SLC1A2: variants seen among roughly 807,000 people sequenced by gnomAD.
SLC1A2 encodes excitatory amino acid transporter 2.
A neutral mutation model predicts 48.8 loss-of-function variants in SLC1A2; 15 were observed. The ratio of observed to expected loss-of-function variants is 0.31; its 90% confidence interval spans 0.21 to 0.47. SLC1A2 has a LOEUF of 0.47. Among genes scored for constraint, SLC1A2 ranks in the 20% least tolerant of loss-of-function variants. The pLI is 0.99. For missense variants in SLC1A2, 502 were observed against 730.5 expected, an observed-to-expected ratio of 0.69 and a Z score of 3.61; for synonymous variants, 279 against 272.6, an observed-to-expected ratio of 1.02 and a Z score of -0.23.
chr11:35,385,719 T>C (rs1854566545), intron 1 of SLC1A2, among the ~76,000 whole-genome samples: 1 of 152,196 alleles, frequency 6.6e-6, no homozygotes, highest in Non-Finnish European at 1.5e-5. Flanking sequence ...TAGCATCTTC[T>C]AACCAATCTT....
In SLC1A2 at chr11:35,260,684, T is replaced by G; in HGVS notation, c.*210A>C. On this transcript the variant is annotated 3_prime_UTR_variant, in exon 11 of 11. Transcript: ENST00000278379. ...TCAAATAATAATACAAGTGAGAAAA[T>G]TAGACGGTTATAAAGCATTATTTGG... is the stretch of plus-strand genomic sequence containing the variant. The G allele has an allele frequency of 1.9e-6, 1 of 538,046 alleles. No homozygotes were observed. The highest frequency in any genetic ancestry group is 2.4e-5 in the South Asian group (1 of 41,210). 33.3% of individuals were successfully genotyped at this position (538,046 alleles called of 1,614,324 possible).
intron 1 of SLC1A2, among the ~76,000 whole-genome samples, chr11:35,388,285 G>C (rs1854647179): frequency 6.6e-6 from 1 of 152,246 alleles, no homozygotes; most frequent in Non-Finnish European, 1.5e-5. Context: ...AAAGAGCAGG[G>C]AGGAAAAGTG....
intron 2 of SLC1A2, chr11:35,316,781 T>C (rs1352512024): frequency 6.6e-6 from 1 of 152,394 alleles, no homozygotes; most frequent in Non-Finnish European, 1.5e-5. Context: ...ATTGTATCAA[T>C]AGCCTGAGAA....
intron 1 of SLC1A2, among the ~76,000 whole-genome samples, chr11:35,324,018 G>A (rs1238018557): frequency 6.6e-6 from 1 of 152,208 alleles, no homozygotes; most frequent in East Asian, 1.9e-4. Flanking sequence ...GTCATTGAGA[G>A]ACCACCTACA....
In SLC1A2 at chr11:35,306,186, G is replaced by A. The variant is rs370702480; in HGVS notation, c.618C>T (p.Asn206=). The A allele has an allele frequency of 6.2e-6, 10 of 1,613,854 alleles. No individual in the cohort carries two copies. The highest frequency in any genetic ancestry group is 1.3e-5 in the African/African-American group (1 of 74,970). The change falls in exon 5 of 11, where the codon AAC becomes AAT. Residue 206 remains asparagine (N), a synonymous_variant. Transcript: ENST00000278379. ...LVAPPPDEEA[N]ATSAVVSLLN... is the part of the protein sequence containing the mutation. ...ACAGAGAGACAACAGCGCTGGTTGC[G>A]TTGGCCTCCTCGTCCGGCGGTGGTG... is the stretch of plus-strand genomic sequence containing the variant.
intron 1 of SLC1A2, among the ~76,000 whole-genome samples, chr11:35,382,722 G>A (rs1313858087): frequency 6.6e-6 from 1 of 152,110 alleles, no homozygotes; most frequent in African/African-American, 2.4e-5. Context: ...CTTGAACCCA[G>A]GAGGCAGAGG....
chr11:35,341,246 G>C (rs1412948649), intron 1 of SLC1A2, among the ~76,000 whole-genome samples: 1 of 152,098 alleles, frequency 6.6e-6, no homozygotes, highest in African/African-American at 2.4e-5. Context: ...GGGGAGAAGT[G>C]GGGGTAACGA....
intron 1 of SLC1A2, among the ~76,000 whole-genome samples, chr11:35,330,060 C>G (rs535571372): frequency 6.6e-6 from 1 of 152,328 alleles, no homozygotes; most frequent in Admixed American, 6.5e-5. Flanking sequence ...GGCAACCCAG[C>G]TTGGCCTGAA....
chr11:35,313,606 C>T (rs777128855), intron 3 of SLC1A2, among the ~76,000 whole-genome samples: 3 of 152,198 alleles, frequency 2.0e-5, no homozygotes, highest in Non-Finnish European at 4.4e-5. Context: ...AGCTGACCTA[C>T]GTGTGACCTA....
chr11:35,318,051 T>C (rs1242190792), intron 1 of SLC1A2, among the ~76,000 whole-genome samples: 1 of 152,226 alleles, frequency 6.6e-6, no homozygotes, highest in Non-Finnish European at 1.5e-5. Context: ...AAAGATAGTT[T>C]ATCTAGTAAA....
intron 1 of SLC1A2, among the ~76,000 whole-genome samples, chr11:35,352,618 A>G (rs1256511152): frequency 6.6e-6 from 1 of 152,106 alleles, no homozygotes; most frequent in Non-Finnish European, 1.5e-5. Flanking sequence ...GAGTGGCACA[A>G]TTTCTCCTCC....
intron 6 of SLC1A2, among the ~76,000 whole-genome samples, chr11:35,293,674 G>A (rs1851080066): frequency 1.3e-5 from 2 of 152,278 alleles, no homozygotes; most frequent in Middle Eastern, 3.4e-3. Context: ...AGACTATGGG[G>A]AGAATGAAGT....
At chr11:35,371,001 C>T (rs1854041544) in intron 1 of SLC1A2, 1 of 985,198 alleles carries the variant, frequency 1.0e-6, no homozygotes, top group Non-Finnish European at 1.2e-6. Flanking sequence ...CAAAGGGTGG[C>T]ATCTTCCTCT....
At chr11:35,343,763 A>G (rs1852927329) in intron 1 of SLC1A2, among the ~76,000 whole-genome samples, 1 of 152,020 alleles carries the variant, frequency 6.6e-6, no homozygotes, top group African/African-American at 2.4e-5. Context: ...AATAATAATA[A>G]TAGTATCTGT....
At chr11:35,386,540 CA>C (rs1854590225) in intron 1 of SLC1A2, among the ~76,000 whole-genome samples, 1 of 152,118 alleles carries the variant, frequency 6.6e-6, no homozygotes, top group Non-Finnish European at 1.5e-5. Flanking sequence ...TGAAAGAAAT[CA>C]AAAGAACATC....
chr11:35,413,054 C>G (rs1855513410), intron 1 of SLC1A2, among the ~76,000 whole-genome samples: 1 of 152,110 alleles, frequency 6.6e-6, no homozygotes, highest in African/African-American at 2.4e-5. Context: ...TCTTCAAATC[C>G]AAAACCACTA....
chr11:35,331,384 T>C (rs1365204726), intron 1 of SLC1A2, among the ~76,000 whole-genome samples: 3 of 152,208 alleles, frequency 2.0e-5, no homozygotes, highest in African/African-American at 4.8e-5. Context: ...TTTGTGGCTA[T>C]TGAAAGTGAA....
chr11:35,270,216 G>A (rs1202793585), intron 9 of SLC1A2, among the ~76,000 whole-genome samples: 1 of 152,190 alleles, frequency 6.6e-6, no homozygotes, highest in Non-Finnish European at 1.5e-5. Context: ...CCTGGACCTT[G>A]GGTGAGAACA....
chr11:35,366,352 C>G (rs2135148368), intron 1 of SLC1A2, among the ~76,000 whole-genome samples: 1 of 152,274 alleles, frequency 6.6e-6, no homozygotes, highest in East Asian at 1.9e-4. Flanking sequence ...ATCTCTTTGT[C>G]TGAGTGCTTT....
Sources: allele counts gnomAD v4.1 joint callset (sites outside exome capture counted in the v4.1 genomes callset), GRCh38; gene constraint gnomAD v4.1.1; transcripts MANE v1.5; gene names NCBI Gene and HGNC (gene_info 2026-07-23, HGNC 2026-07-21).